ZNF143: variants seen among roughly 807,000 people sequenced by gnomAD.
ZNF143 encodes the protein SPH-binding factor.
A neutral mutation model predicts 74.1 loss-of-function variants in ZNF143; 49 were observed. The observed-to-expected ratio is 0.66, with a 90% CI of 0.53 to 0.84. ZNF143 has a LOEUF of 0.84. ZNF143 is among the 40% of genes least tolerant of loss of function. The pLI is 0.00. For synonymous variants in ZNF143, 304 were observed against 282.8 expected, an observed-to-expected ratio of 1.07 and a Z score of -0.75; for missense variants, 637 against 793.4, an observed-to-expected ratio of 0.80 and a Z score of 2.37.
intron 7 of ZNF143, among the ~76,000 whole-genome samples, chr11:9,484,355 G>A (rs960317847): frequency 2.7e-5 from 4 of 150,858 alleles, no homozygotes; most frequent in African/African-American, 9.9e-5. Flanking sequence ...CACCATGCCC[G>A]GCTAATTTTT....
chr11:9,502,744 A>G (rs1273834183), intron 11 of ZNF143, among the ~76,000 whole-genome samples: 1 of 150,662 alleles, frequency 6.6e-6, no homozygotes, highest in Non-Finnish European at 1.5e-5. Context: ...TCCTTTCCCC[A>G]CCCCGCCCCC....
At chr11:9,514,417 C>A (rs1200291883) in intron 13 of ZNF143, among the ~76,000 whole-genome samples, 6 of 152,162 alleles carry the variant, frequency 3.9e-5, no homozygotes, top group Non-Finnish European at 5.9e-5. Context: ...GAGCACCTAC[C>A]CCATGCCAGA....
chr11:9,490,199 T>A (rs575612702), intron 7 of ZNF143, among the ~76,000 whole-genome samples: 1 of 142,050 alleles, frequency 7.0e-6, no homozygotes, highest in Admixed American at 7.2e-5. Flanking sequence ...TAAATAAAAA[T>A]AAAAAATACT....
intron 1 of ZNF143, among the ~76,000 whole-genome samples, chr11:9,462,312 A>G (rs553303936): frequency 3.4e-5 from 5 of 148,450 alleles, no homozygotes; most frequent in Non-Finnish European, 7.4e-5. Context: ...AAATAGCTTT[A>G]GTGATGTAAT....
chr11:9,468,822 G>A (rs1856397270), intron 1 of ZNF143, among the ~76,000 whole-genome samples: 1 of 152,096 alleles, frequency 6.6e-6, no homozygotes, highest in Admixed American at 6.6e-5. Context: ...GGGTGACAGA[G>A]TGAGACTCGA....
chr11:9,461,421 C>T (rs1341065667), intron 1 of ZNF143, among the ~76,000 whole-genome samples: 1 of 152,104 alleles, frequency 6.6e-6, no homozygotes, highest in Non-Finnish European at 1.5e-5. Context: ...GAGCCTTGGC[C>T]GCGTTTCTCG....
chr11:9,494,623 G>C, intron 7 of ZNF143, 23 bp from the exon 8 acceptor site: 1 of 1,608,746 alleles, frequency 6.2e-7, no homozygotes, highest in South Asian at 1.1e-5. Context: ...AGTAATTTAA[G>C]TAATACTATT....
Position 9,475,956 on chromosome 11 carries a change from A to G in ZNF143, c.373+1323A>G, listed in dbSNP as rs868830859. On this transcript the variant is annotated intron_variant, in intron 5 of 15. Transcript: ENST00000396602. ...TGTGTGTGTGTGTGTGTGTGTGTGT[A>G]TAAAATTTTTAAAGCAAGGTCCTTT... Among the ~76,000 whole-genome samples, 68 of 113,662 alleles carry G rather than the reference A, an allele frequency of 6.0e-4. 1 individual carries two copies. In the Middle Eastern group the frequency reaches 0.013, roughly 22 times the overall value. 74.6% of individuals were successfully genotyped at this position (113,662 alleles called of 152,430 possible).
chr11:9,516,329 T>A lies in ZNF143; in HGVS notation c.1653T>A (p.Ala551=), dbSNP rs1478557776. 2 of 1,613,816 alleles carry A rather than the reference T, an allele frequency of 1.2e-6. No individual in the cohort carries two copies. Among genetic ancestry groups the A allele is most frequent in the African/African-American group, 2.7e-5 (2 of 74,950 alleles). ...CCTCAGCAGGAACGCACTCTGTTGC[T>A]ATGGTTACTGCTGAGGGTACAGAAG... ...VISSAGTHSV[A]MVTAEGTEGE... Residue 551 remains alanine (A), a synonymous_variant, in exon 14 of 16, where the codon GCT becomes GCA. Transcript: ENST00000396602.
chr11:9,477,373 G>A (rs1174829466), intron 5 of ZNF143, among the ~76,000 whole-genome samples: 2 of 151,970 alleles, frequency 1.3e-5, no homozygotes, highest in Non-Finnish European at 2.9e-5. Flanking sequence ...TCCTGCTTCA[G>A]CCTCCCAAGT....
At chr11:9,496,552 CT>C (rs1847964410) in intron 9 of ZNF143, among the ~76,000 whole-genome samples, 174 bp downstream of exon 9, 1 of 151,842 alleles carries the variant, frequency 6.6e-6, no homozygotes, top group Non-Finnish European at 1.5e-5. Flanking sequence ...CCTCTCTGTT[CT>C]TTTCTCCACT....
At chr11:9,465,916 C>T (rs1409384015) in intron 1 of ZNF143, among the ~76,000 whole-genome samples, 1 of 151,934 alleles carries the variant, frequency 6.6e-6, no homozygotes, top group Admixed American at 6.6e-5. Context: ...CCTCTACCTC[C>T]CAGGCCCAAG....
Position 9,496,284 on chromosome 11 carries a change from G to A in ZNF143, c.766-19G>A, listed in dbSNP as rs745399102. On this transcript the variant is annotated intron_variant, in intron 8 of 15. Coordinates refer to ENST00000396602, the MANE Select transcript of ZNF143 (RefSeq NM_003442.6). ...GAATACGTAAAGGAAATAGAATCAT[G>A]CCTGCATTTTAATCACAGGTCCATG... is the stretch of plus-strand genomic sequence containing the variant. The A allele has an allele frequency of 1.4e-5, 22 of 1,611,974 alleles. No homozygotes were observed. Among genetic ancestry groups the A allele is most frequent in the Non-Finnish European group, 1.7e-6 (2 of 1,178,154 alleles).
At chr11:9,484,207 T>G (rs1408008911) in intron 7 of ZNF143, among the ~76,000 whole-genome samples, 1 of 151,032 alleles carries the variant, frequency 6.6e-6, no homozygotes, top group Non-Finnish European at 1.5e-5. Context: ...TGGTTTTTGT[T>G]TTTTGAGACA....
intron 7 of ZNF143, among the ~76,000 whole-genome samples, chr11:9,486,412 A>AATATATATTATATATATAATATATATT (rs1330287722): frequency 1.6e-4 from 3 of 19,326 alleles, no homozygotes; most frequent in South Asian, 1.0e-3. Context: ...TTATATATAT[A>AATATATATTATATATATAATATATATT]ATATATATTA....
At chr11:9,517,040 G>A (rs961624911) in intron 14 of ZNF143, among the ~76,000 whole-genome samples, 2 of 152,020 alleles carry the variant, frequency 1.3e-5, no homozygotes, top group Non-Finnish European at 2.9e-5. Context: ...TCAGCCTCCC[G>A]AGTAGCTGAG....
At chr11:9,503,826 A>G (rs1413477457) in intron 11 of ZNF143, among the ~76,000 whole-genome samples, 1 of 149,468 alleles carries the variant, frequency 6.7e-6, no homozygotes, top group Non-Finnish European at 1.5e-5. Context: ...TAATTTTTGT[A>G]TTTTTAGTAG....
At chr11:9,505,382 G>A (rs535354904) in intron 11 of ZNF143, among the ~76,000 whole-genome samples, 5 of 151,694 alleles carry the variant, frequency 3.3e-5, no homozygotes, top group African/African-American at 1.2e-4. Context: ...TGATTCTCCT[G>A]CCTCAGCCTC....
chr11:9,476,777 T>TTTTTTTTTTTTTA, intron 5 of ZNF143, among the ~76,000 whole-genome samples: 1 of 95,366 alleles, frequency 1.0e-5, no homozygotes, highest in South Asian at 3.7e-4. Flanking sequence ...TTTTTTTTTT[T>TTTTTTTTTTTTTA]GAGACAGACT....
Sources: allele counts gnomAD v4.1 joint callset (sites outside exome capture counted in the v4.1 genomes callset), GRCh38; gene constraint gnomAD v4.1.1; transcripts MANE v1.5; gene names NCBI Gene and HGNC (gene_info 2026-07-23, HGNC 2026-07-21).